KCTD13: variants seen among roughly 807,000 people sequenced by gnomAD.
The protein encoded by KCTD13 is potassium channel tetramerization domain containing 13.
In KCTD13, 15 loss-of-function variants were observed where a neutral mutation model predicts 32.3. The ratio of observed to expected loss-of-function variants is 0.46; its 90% CI spans 0.31 to 0.71. The LOEUF (loss-of-function observed/expected upper bound fraction) is 0.71, where lower values mean the gene tolerates loss of function less well. Ranked by LOEUF, KCTD13 falls within the 30% of genes least tolerant of loss-of-function variation. The pLI, the probability that KCTD13 is intolerant of heterozygous loss-of-function variation, is 0.05. For synonymous variants in KCTD13, 189 were observed against 200.1 expected (o/e 0.94, Z 0.47); for missense variants, 337 against 452.6 (o/e 0.74, Z 2.32).
chr16:29,923,674 C>T lies in KCTD13; in HGVS notation c.245-315G>A, dbSNP rs569496963. Among the ~76,000 whole-genome samples the T allele has an allele frequency of 1.3e-4, 19 of 151,794 alleles. No homozygotes were observed. The East Asian group carries it at 3.7e-3, about 30-fold the overall frequency. On this transcript the variant is annotated intron_variant, in intron 1 of 5. Transcript: ENST00000568000. ...GTCAGGAGTTTGAGACTAGCAGGAC[C>T]AACACGGAGAAACCCCATCTCTACT...
intron 1 of KCTD13, 114 bp downstream of exon 1, chr16:29,925,676 G>C: frequency 9.6e-7 from 1 of 1,040,130 alleles, no homozygotes; most frequent in Admixed American, 2.1e-5. Flanking sequence ...AGAATGAGTT[G>C]ACTGGACAGT....
At chr16:29,911,895 G>C in intron 3 of KCTD13, 28 bp from the exon 4 acceptor site, 6 of 1,611,288 alleles carry the variant, frequency 3.7e-6, no homozygotes, top group Non-Finnish European at 5.1e-6. Context: ...ATGGACGAGA[G>C]GGGTGAGGCT....
intron 2 of KCTD13, among the ~76,000 whole-genome samples, chr16:29,912,883 GT>G (rs1424699952): frequency 1.3e-5 from 2 of 152,194 alleles, no homozygotes; most frequent in Non-Finnish European, 2.9e-5. Context: ...GAACATATTT[GT>G]TGAGTGAATG....
rs1201214866 is a variant in KCTD13, at chr16:29,911,157, G to C, written c.574C>G (p.Leu192Val). The change falls in exon 5 of 6, where the codon CTA becomes GTA. Residue 192 changes from leucine to valine, a missense_variant. Transcript: ENST00000568000. ...TCGAACAGCTCGATGTTCTTAAGTA[G>C]GTTGTCATCTGAAGTGCTGGGGACC... ...YSYTSTSDDN[L>V]LKNIELFDKL... 1 of 1,613,890 alleles carries C rather than the reference G, an allele frequency of 6.2e-7. No individual in the cohort carries two copies. The highest frequency in any genetic ancestry group is 1.3e-5 in the African/African-American group (1 of 74,914).
chr16:29,911,883 G>A lies in KCTD13; in HGVS notation c.505-16C>T, dbSNP rs766336868. The A allele has an allele frequency of 3.1e-6, 5 of 1,611,960 alleles. No individual in the cohort carries two copies. Among genetic ancestry groups the A allele is most frequent in the South Asian group, 2.2e-5 (2 of 90,994 alleles). ...TCACCACGGGCTGGCGGGGGAGAGAGGATGGACGAGAGGGGTGAGGCTGCA... is the reference window on the plus strand; with the variant it reads ...TCACCACGGGCTGGCGGGGGAGAGAAGATGGACGAGAGGGGTGAGGCTGCA... On this transcript the variant is annotated splice_polypyrimidine_tract_variant and intron_variant, in intron 3 of 5. Coordinates refer to ENST00000568000, the MANE Select transcript of KCTD13 (RefSeq NM_178863.5).
At position 29,912,065 on chromosome 16, in the gene KCTD13, A is replaced by G; in HGVS notation, c.415-16T>C. On this transcript the variant is annotated splice_polypyrimidine_tract_variant and intron_variant, in intron 2 of 5. Transcript: ENST00000568000. ...CCCTTTTTTGCTGGGGAAGAAGCGGAAGGTGGTTAACAGCACAACCAAAGG... is the reference window on the plus strand; with the variant it reads ...CCCTTTTTTGCTGGGGAAGAAGCGGGAGGTGGTTAACAGCACAACCAAAGG... 1 of 1,572,036 alleles carries G rather than the reference A, an allele frequency of 6.4e-7. No individual in the cohort carries two copies. Among genetic ancestry groups the G allele is most frequent in the Non-Finnish European group, 8.7e-7 (1 of 1,153,944 alleles).
chr16:29,909,451 GGCTCATAGTAA>G (rs2068667549), intron 5 of KCTD13, among the ~76,000 whole-genome samples: 1 of 152,188 alleles, frequency 6.6e-6, no homozygotes, highest in Non-Finnish European at 1.5e-5. Context: ...TGAGGCATGT[GGCTCATAGTAA>G]GCTCGGAAGG....
In KCTD13 at chr16:29,906,408, A is replaced by T. The variant is rs1285698163; in HGVS notation, c.*464T>A. 2.3e-5 allele frequency: 8 copies of T among 342,166 alleles called. No individual in the cohort carries two copies. Among genetic ancestry groups the T allele is most frequent in the Non-Finnish European group, 4.6e-5 (8 of 172,574 alleles). The allele number at this position is 342,166 out of a possible 1,614,324, so 21.2% of individuals were successfully genotyped here. A position where few individuals can be genotyped will look rare whatever the true frequency, so the allele number is the denominator to read the frequency against. On this transcript the variant is annotated 3_prime_UTR_variant, in exon 6 of 6. Coordinates refer to ENST00000568000, the MANE Select transcript of KCTD13 (RefSeq NM_178863.5). The stretch of plus-strand genomic sequence containing the variant: ...ATAATAAATAATATGAAACAGACTG[A>T]TAACGCTGAGCTGGGCAGGCCCAGG...
At chr16:29,919,090 A>C (rs1473018724) in intron 2 of KCTD13, among the ~76,000 whole-genome samples, 1 of 152,086 alleles carries the variant, frequency 6.6e-6, no homozygotes, top group African/African-American at 2.4e-5. Flanking sequence ...CACCGTGCCC[A>C]CCCAATATCA....
chr16:29,923,940 C>T (rs995410527), intron 1 of KCTD13, among the ~76,000 whole-genome samples: 4 of 151,514 alleles, frequency 2.6e-5, no homozygotes, highest in South Asian at 2.1e-4. Flanking sequence ...TTTGGGAGGC[C>T]GAGGTGGGCG....
At chr16:29,922,370 CAT>C (rs2068929165) in intron 2 of KCTD13, 2 of 152,126 alleles carry the variant, frequency 1.3e-5, no homozygotes, top group Non-Finnish European at 2.9e-5. Context: ...ACTATTGTAA[CAT>C]AAAAGAAAGG....
chr16:29,911,677 A>AGCCTTCGC (rs1255972076), intron 4 of KCTD13, 138 bp downstream of exon 4: 1 of 827,198 alleles, frequency 1.2e-6, no homozygotes, highest in African/African-American at 1.7e-5. Flanking sequence ...CGTCAGGGGT[A>AGCCTTCGC]AGAGGCGAAG....
chr16:29,914,993 G>C (rs1488890272), intron 2 of KCTD13: 1 of 152,266 alleles, frequency 6.6e-6, no homozygotes, highest in Non-Finnish European at 1.5e-5. Flanking sequence ...AAAAAAAGTG[G>C]GGCAGGGGAC....
intron 5 of KCTD13, 47 bp from the exon 6 acceptor site, chr16:29,907,155 C>G (rs766481071): frequency 7.3e-7 from 1 of 1,372,830 alleles, no homozygotes; most frequent in Non-Finnish European, 1.0e-6. Context: ...GGTGCAGTCA[C>G]GCAGGGCCAT....
chr16:29,911,615 C>G, intron 4 of KCTD13, 200 bp downstream of exon 4: 2 of 612,166 alleles, frequency 3.3e-6, no homozygotes, highest in Non-Finnish European at 5.8e-6. Context: ...CACCCAAACC[C>G]ATTTACTGAT....
intron 2 of KCTD13, 185 bp downstream of exon 2, chr16:29,923,005 G>A: frequency 1.6e-6 from 1 of 611,574 alleles, no homozygotes; most frequent in Non-Finnish European, 2.8e-6. Context: ...CCTGGCATGA[G>A]GCTGGGGTGG....
Position 29,910,995 on chromosome 16 carries a change from C to T in KCTD13, c.736G>A (p.Glu246Lys). 6.2e-7 allele frequency: 1 copy of T among 1,614,030 alleles called. No individual in the cohort carries two copies. The highest frequency in any genetic ancestry group is 8.5e-7 in the Non-Finnish European group (1 of 1,179,956). ...VCCTSIVYAT[E>K]KKQTKVEFPE... ...CCTCTGACCTTGGTCTGCTTCTTCTCCGTAGCATAGACAATGGAGGTGCAG... is the reference window on the plus strand; with the variant it reads ...CCTCTGACCTTGGTCTGCTTCTTCTTCGTAGCATAGACAATGGAGGTGCAG... The change falls in exon 5 of 6, where the codon GAG becomes AAG. Residue 246 changes from glutamate to lysine, a missense_variant. By Grantham distance (56) the Glu-to-Lys change is moderately conservative. Around this residue, in one of 3 missense-constraint regions of KCTD13, gnomAD observed 252 missense variants for 340.2 expected, o/e 0.74. Coordinates refer to ENST00000568000, the MANE Select transcript of KCTD13 (RefSeq NM_178863.5).
intron 2 of KCTD13, among the ~76,000 whole-genome samples, chr16:29,918,219 T>C (rs1471933706): frequency 6.6e-6 from 1 of 152,246 alleles, no homozygotes; most frequent in African/African-American, 2.4e-5. Context: ...CATTGATAGG[T>C]AACTGCCTTA....
At chr16:29,917,552 C>T (rs1034049444) in intron 2 of KCTD13, among the ~76,000 whole-genome samples, 47 of 152,104 alleles carry the variant, frequency 3.1e-4, no homozygotes, top group African/African-American at 1.0e-3. Flanking sequence ...GAGACCAAGG[C>T]GGGCGGATCA....
Sources: gnomAD v4.1 joint callset for allele counts (sites outside exome capture counted in the v4.1 genomes callset) on GRCh38, gnomAD v4.1.1 for gene constraint, gnomAD v4.1.1 regional missense constraint, MANE v1.5 for transcripts, NCBI Gene and HGNC (gene_info 2026-07-23, HGNC 2026-07-21) for gene names.